The following DOCK3 variants were observed in gnomAD, a reference collection of about 807,000 sequenced individuals.
The protein encoded by DOCK3 is dedicator of cytokinesis 3, also known as dedicator of cytokinesis protein 3.
Under a neutral mutation model 265.6 loss-of-function variants are expected in DOCK3, and 60 were observed. The observed-to-expected ratio is 0.23, with a 90% CI of 0.18 to 0.28. DOCK3 has a LOEUF of 0.28. DOCK3 is among the 10% of genes least tolerant of loss of function. The probability of loss-of-function intolerance (pLI) is 1.00; values close to 1 mark genes in which losing one functional copy is unlikely to be tolerated. For missense variants in DOCK3, 1,981 were observed against 2,594.3 expected (o/e 0.76, Z 5.14); for synonymous variants, 881 against 938.0 (o/e 0.94, Z 1.11).
Position 51,146,580 on chromosome 3 carries a change from G to A in DOCK3, c.778G>A (p.Gly260Ser). Residue 260 changes from glycine to serine, a missense_variant, in exon 10 of 53, where the codon GGT becomes AGT. Transcript: ENST00000266037. ...ERFLVRLNKN[G>S]GPRNPEKIER... is the part of the protein sequence containing the mutation. ...GTTTCTGGTAAGACTGAACAAGAATGGTGGGCCGAGGAACCCAGAGAAGAT... is the reference window on the plus strand; with the variant it reads ...GTTTCTGGTAAGACTGAACAAGAATAGTGGGCCGAGGAACCCAGAGAAGAT... 1 of 1,599,038 alleles carries A rather than the reference G, an allele frequency of 6.3e-7. No individual in the cohort carries two copies. Among genetic ancestry groups the A allele is most frequent in the Non-Finnish European group, 8.5e-7 (1 of 1,172,304 alleles).
intron 5 of DOCK3, among the ~76,000 whole-genome samples, chr3:51,031,516 T>G (rs1269292847): frequency 2.0e-5 from 3 of 152,208 alleles, no homozygotes; most frequent in African/African-American, 7.2e-5. Flanking sequence ...GCTTGCCCTT[T>G]ATCCTGATTT....
chr3:51,356,571 T>A, intron 43 of DOCK3, 78 bp downstream of exon 43: 1 of 1,472,046 alleles, frequency 6.8e-7, no homozygotes, highest in Non-Finnish European at 9.4e-7. Context: ...CTCTAAGGAC[T>A]AAAGAAAAAG....
intron 3 of DOCK3, among the ~76,000 whole-genome samples, chr3:50,880,828 A>G (rs976502177): frequency 7.9e-5 from 12 of 152,220 alleles, no homozygotes; most frequent in Non-Finnish European, 1.6e-4. Flanking sequence ...CAACCAAAAA[A>G]GAGAATTTTA....
At chr3:50,696,679 G>A (rs28681482) in intron 1 of DOCK3, among the ~76,000 whole-genome samples, 1 of 152,086 alleles carries the variant, frequency 6.6e-6, no homozygotes, top group Admixed American at 6.5e-5. Context: ...ATACTTTTTT[G>A]GGGGTGGGGT....
At chr3:50,961,233 A>C (rs2076877252) in intron 5 of DOCK3, among the ~76,000 whole-genome samples, 2 of 152,214 alleles carry the variant, frequency 1.3e-5, no homozygotes, top group Non-Finnish European at 2.9e-5. Flanking sequence ...CAGCTTGTCA[A>C]AAAATTTGGG....
intron 38 of DOCK3, among the ~76,000 whole-genome samples, chr3:51,344,943 T>A (rs2085465086): frequency 6.6e-6 from 1 of 152,194 alleles, no homozygotes; most frequent in African/African-American, 2.4e-5. Context: ...AGGGCAGAGA[T>A]GCCGGCAAGA....
intron 9 of DOCK3, among the ~76,000 whole-genome samples, chr3:51,105,067 C>A (rs187405532): frequency 9.9e-5 from 15 of 152,192 alleles, no homozygotes; most frequent in African/African-American, 3.6e-4. Context: ...GTATTCCAAG[C>A]AAAGGAGAGA....
chr3:50,986,089 G>A (rs192987550), intron 5 of DOCK3, among the ~76,000 whole-genome samples: 9 of 152,050 alleles, frequency 5.9e-5, no homozygotes, highest in African/African-American at 1.4e-4. Flanking sequence ...CCAGTACAAC[G>A]TTGATTTGAT....
chr3:50,825,383 A>G (rs192612819), intron 2 of DOCK3, among the ~76,000 whole-genome samples: 1 of 152,328 alleles, frequency 6.6e-6, no homozygotes, highest in Non-Finnish European at 1.5e-5. Flanking sequence ...TTTACACAAC[A>G]TATCCTCAAA....
chr3:51,323,081 T>C (rs1463918209), intron 32 of DOCK3, among the ~76,000 whole-genome samples: 2 of 151,740 alleles, frequency 1.3e-5, no homozygotes, highest in African/African-American at 4.9e-5. Flanking sequence ...AAGAGATCAA[T>C]GCAACAAGAA....
intron 49 of DOCK3, among the ~76,000 whole-genome samples, chr3:51,370,229 AG>A (rs1314289399): frequency 1.3e-5 from 2 of 152,216 alleles, no homozygotes; most frequent in Admixed American, 1.3e-4. Context: ...AGTCCTGAAT[AG>A]AGCTGCAGAA....
intron 4 of DOCK3, among the ~76,000 whole-genome samples, chr3:50,911,394 C>CT (rs1342526016): frequency 1.3e-5 from 2 of 152,064 alleles, no homozygotes; most frequent in Non-Finnish European, 2.9e-5. Flanking sequence ...GTATTCCTAG[C>CT]ACCATTGATT....
intron 19 of DOCK3, 86 bp from the exon 20 acceptor site, chr3:51,236,259 T>G: frequency 9.8e-7 from 1 of 1,024,440 alleles, no homozygotes; most frequent in African/African-American, 1.6e-5. Context: ...TTCACTTTTT[T>G]ATTGGAAGTT....
intron 1 of DOCK3, among the ~76,000 whole-genome samples, chr3:50,690,542 C>T (rs2035151889): frequency 6.6e-6 from 1 of 152,192 alleles, no homozygotes; most frequent in African/African-American, 2.4e-5. Flanking sequence ...TGAAATTCTA[C>T]ACCAGTTAAA....
intron 2 of DOCK3, among the ~76,000 whole-genome samples, chr3:50,785,369 T>C (rs1228952150): frequency 6.6e-6 from 1 of 152,186 alleles, no homozygotes; most frequent in Non-Finnish European, 1.5e-5. Context: ...AGAGAAGTGG[T>C]AAAAGTGGGC....
chr3:51,129,036 A>C (rs1485197653), intron 9 of DOCK3, among the ~76,000 whole-genome samples: 1 of 152,220 alleles, frequency 6.6e-6, no homozygotes, highest in Admixed American at 6.5e-5. Context: ...AGAGAGGTCC[A>C]TCCACATACC....
chr3:50,794,465 G>A lies in DOCK3; in HGVS notation c.121+15707G>A, dbSNP rs577492245. Among the ~76,000 whole-genome samples the A allele has an allele frequency of 6.6e-5, 10 of 152,244 alleles. No individual in the cohort carries two copies. The South Asian group carries it at 2.1e-3, about 32-fold the overall frequency. On this transcript the variant is annotated intron_variant, in intron 2 of 52. Coordinates refer to ENST00000266037, the MANE Select transcript of DOCK3 (RefSeq NM_004947.5). The stretch of plus-strand genomic sequence containing the variant: ...GATAGTTAAGTCTTCTCGTTGAATT[G>A]AATCCTTTACCATTATGTAATGCCC...
chr3:51,019,787 C>A (rs1160580220), intron 5 of DOCK3, among the ~76,000 whole-genome samples: 1 of 151,892 alleles, frequency 6.6e-6, no homozygotes, highest in Non-Finnish European at 1.5e-5. Context: ...CCATTCATGT[C>A]CCTGCAGAAA....
intron 38 of DOCK3, among the ~76,000 whole-genome samples, chr3:51,347,937 G>A (rs1011976207): frequency 3.9e-5 from 6 of 152,146 alleles, no homozygotes; most frequent in Non-Finnish European, 8.8e-5. Flanking sequence ...TTGGCTCTCT[G>A]TTTGTCTGTT....
Sources: allele counts gnomAD v4.1 joint callset (sites outside exome capture counted in the v4.1 genomes callset), GRCh38; gene constraint gnomAD v4.1.1; transcripts MANE v1.5; gene names NCBI Gene and HGNC (gene_info 2026-07-23, HGNC 2026-07-21).